ENTREP1: variants seen among roughly 807,000 people sequenced by gnomAD.
ENTREP1 encodes the protein endosomal transmembrane epsin interactor 1.
chr9:69,383,075 G>A, the ENTREP1 span: 5 of 984,936 alleles, frequency 5.1e-6, no homozygotes, highest in Non-Finnish European at 6.0e-6. Context: ...TTTTGCTGTT[G>A]ACGGTTCTTT....
At chr9:69,371,837 G>C in the ENTREP1 span, among the ~76,000 whole-genome samples, 1 of 152,212 alleles carries the variant, frequency 6.6e-6, no homozygotes, top group Non-Finnish European at 1.5e-5. Flanking sequence ...TGGAACCATA[G>C]TGATATAATG....
chr9:69,361,795 C>A, the ENTREP1 span, among the ~76,000 whole-genome samples: 6 of 152,242 alleles, frequency 3.9e-5, no homozygotes, highest in Middle Eastern at 3.4e-3. Context: ...TCTGGGGATT[C>A]TGAAGAGTAA....
the ENTREP1 span, chr9:69,383,598 C>T: frequency 1.1e-4 from 177 of 1,613,062 alleles, no homozygotes; most frequent in Non-Finnish European, 1.4e-4. Context: ...GTCTGTAGAA[C>T]GTGCTTTCTG....
chr9:69,325,539 G>A, the ENTREP1 span: 5 of 1,138,052 alleles, frequency 4.4e-6, no homozygotes, highest in Non-Finnish European at 5.4e-6. Flanking sequence ...TCCTCCCGCC[G>A]GGCAGTCGCC....
chr9:69,344,340 C>A, the ENTREP1 span, among the ~76,000 whole-genome samples: 11,777 of 152,166 alleles, frequency 0.077, 534 homozygotes, highest in African/African-American at 0.12. Context: ...TGGAAAATTT[C>A]TGAAAAGATG....
At chr9:69,375,285 A>G in the ENTREP1 span, among the ~76,000 whole-genome samples, 3 of 152,350 alleles carry the variant, frequency 2.0e-5, no homozygotes, top group African/African-American at 7.2e-5. Context: ...TCTGAGAGAG[A>G]TAGAGCTTTC....
At chr9:69,383,876 G>C in the ENTREP1 span, 2 of 1,570,342 alleles carry the variant, frequency 1.3e-6, no homozygotes, top group Non-Finnish European at 1.8e-6. Context: ...ATCTTTTTAA[G>C]GAGTTCACTG....
At chr9:69,325,866 A>G in the ENTREP1 span, 9 of 1,160,466 alleles carry the variant, frequency 7.8e-6, no homozygotes, top group African/African-American at 1.6e-5. Context: ...GAGGCTGGAG[A>G]AAAATGTTCC....
chr9:69,379,615 A>C, the ENTREP1 span: 1 of 152,230 alleles, frequency 6.6e-6, no homozygotes, highest in Admixed American at 6.5e-5. Context: ...CAAAAATCTT[A>C]GCGCCGTCTC....
At chr9:69,363,885 T>A in the ENTREP1 span, among the ~76,000 whole-genome samples, 1,447 of 152,284 alleles carry the variant, frequency 9.5e-3, 11 homozygotes, top group Non-Finnish European at 0.013. Context: ...AAACAGGAGA[T>A]GCCCCACACA....
the ENTREP1 span, chr9:69,386,099 A>G: frequency 3.5e-6 from 2 of 567,602 alleles, no homozygotes; most frequent in Non-Finnish European, 5.4e-6. Context: ...AAAATATTCT[A>G]CGTCCATGTT....
the ENTREP1 span, among the ~76,000 whole-genome samples, chr9:69,347,130 A>G: frequency 1.2e-4 from 18 of 152,308 alleles, no homozygotes; most frequent in African/African-American, 4.1e-4. Flanking sequence ...AGCTGACCAG[A>G]TGGGCCTCCC....
the ENTREP1 span, among the ~76,000 whole-genome samples, chr9:69,331,770 TA>T: frequency 2.0e-5 from 3 of 152,206 alleles, no homozygotes; most frequent in Non-Finnish European, 4.4e-5. Context: ...TTGCCATAAC[TA>T]ACTGAGTGCC....
the ENTREP1 span, among the ~76,000 whole-genome samples, chr9:69,331,831 C>T: frequency 1.3e-5 from 2 of 152,126 alleles, no homozygotes; most frequent in Non-Finnish European, 1.5e-5. Flanking sequence ...GGTCCAAGCC[C>T]TCATCGTGAT....
chr9:69,367,694 CATATATATAAATATATATATACACAT>C, the ENTREP1 span, among the ~76,000 whole-genome samples: 129 of 94,194 alleles, frequency 1.4e-3, 4 homozygotes, highest in African/African-American at 4.4e-3. Flanking sequence ...TATATATACA[CATATATATAAATATATATATACACAT>C]ATATATAAAA....
the ENTREP1 span, chr9:69,377,683 C>G: frequency 6.2e-7 from 1 of 1,614,114 alleles, no homozygotes; most frequent in Non-Finnish European, 8.5e-7. Context: ...TTTTGTGCCG[C>G]CTGTGCCTCC....
At chr9:69,388,067 A>G in the ENTREP1 span, 1 of 1,608,846 alleles carries the variant, frequency 6.2e-7, no homozygotes. Context: ...GATGCTTTCC[A>G]TGTTGAGTTT....
chr9:69,342,055 A>T, the ENTREP1 span, among the ~76,000 whole-genome samples: 1 of 152,228 alleles, frequency 6.6e-6, no homozygotes, highest in East Asian at 1.9e-4. Flanking sequence ...TGGACATTTC[A>T]ACTGGTCATT....
the ENTREP1 span, chr9:69,377,508 T>C: frequency 9.9e-6 from 16 of 1,608,790 alleles, no homozygotes; most frequent in Non-Finnish European, 1.3e-5. Context: ...CATGGCCACG[T>C]TTCCGCTGAG....
Sources: allele counts gnomAD v4.1 joint callset (sites outside exome capture counted in the v4.1 genomes callset), GRCh38; gene constraint gnomAD v4.1.1; transcripts MANE v1.5; gene names NCBI Gene and HGNC (gene_info 2026-07-23, HGNC 2026-07-21).